Variants in C9orf72 observed in about 807,000 individuals in gnomAD.
C9orf72 encodes guanine nucleotide exchange factor C9orf72.
Under a neutral mutation model 51.6 loss-of-function variants are expected in C9orf72, and 44 were observed. The observed-to-expected ratio is 0.85, with a 90% CI of 0.67 to 1.10. The LOEUF (loss-of-function observed/expected upper bound fraction) is 1.10, where lower values mean the gene tolerates loss of function less well. Ranked by LOEUF, C9orf72 falls within the 50% of genes least tolerant of loss-of-function variation. C9orf72 has a pLI of 0.00. For synonymous variants in C9orf72, 213 were observed against 194.2 expected, an observed-to-expected ratio of 1.10 and a Z score of -0.81; for missense variants, 607 against 570.6, an observed-to-expected ratio of 1.06 and a Z score of -0.65.
At chr9:27,552,407 G>A (rs1473112115) in intron 8 of C9orf72, among the ~76,000 whole-genome samples, 1 of 152,026 alleles carries the variant, frequency 6.6e-6, no homozygotes, top group Non-Finnish European at 1.5e-5. Context: ...GAGTGCGGTG[G>A]CATGATCTCA....
intron 6 of C9orf72, chr9:27,559,716 T>G (rs1033343628): frequency 6.6e-6 from 1 of 152,144 alleles, no homozygotes; most frequent in African/African-American, 2.4e-5. Context: ...TGTTCATTAA[T>G]CCTTAATTAA....
rs951673933 is a variant in C9orf72, at chr9:27,550,311, AG to A, written c.1149+338del. Among the ~76,000 whole-genome samples the A allele has an allele frequency of 1.6e-4, 24 of 151,818 alleles. 1 individual carries two copies. Among genetic ancestry groups the A allele is most frequent in the Non-Finnish European group, 2.8e-4 (19 of 67,930 alleles). ...GATTTCACTTTGATACATGTAAACC[AG>A]GAATTCTATGTTTCAAAAAACAGTA... On this transcript the variant is annotated intron_variant, in intron 9 of 10. Transcript: ENST00000380003.
At chr9:27,550,797 C>G (rs1820890985) in intron 8 of C9orf72, 90 bp from the exon 9 acceptor site, 1 of 587,478 alleles carries the variant, frequency 1.7e-6, no homozygotes, top group Non-Finnish European at 3.0e-6. Context: ...TCACTTGAGC[C>G]AACATTTTAA....
rs117250532 is a variant in C9orf72, at chr9:27,552,569, T to C, written c.1092-1862A>G. 9.9e-5 allele frequency among the ~76,000 whole-genome samples: 14 copies of C among 141,620 alleles called. No individual in the cohort carries two copies. The East Asian group carries it at 2.8e-3, about 29-fold the overall frequency. 92.9% of individuals were successfully genotyped at this position (141,620 alleles called of 152,430 possible). A position where few individuals can be genotyped will look rare whatever the true frequency, so the allele number is the denominator to read the frequency against. Reference sequence around the variant, plus strand: ...TGGGGTTTCACCATGCTGCCTAGGCTCGTCTTGAACTCCTGGGCTTAAGAG... The same window carrying C: ...TGGGGTTTCACCATGCTGCCTAGGCCCGTCTTGAACTCCTGGGCTTAAGAG... On this transcript the variant is annotated intron_variant, in intron 8 of 10. Coordinates refer to ENST00000380003, the MANE Select transcript of C9orf72 (RefSeq NM_018325.5).
rs757058684 is a variant in C9orf72 at position 27,562,368 on chromosome 9, C to G, written c.600+13G>C. On this transcript the variant is annotated intron_variant, in intron 4 of 10. Transcript: ENST00000380003. ...AACTCATAAAGTGTATAATTGCTCT[C>G]ATTTAAACTTACATCTATTTCTTCA... The G allele has an allele frequency of 1.4e-6, 2 of 1,437,790 alleles. No individual in the cohort carries two copies. The highest frequency in any genetic ancestry group is 4.7e-5 in the East Asian group (2 of 42,476). The allele number at this position is 1,437,790 out of a possible 1,614,324, so 89.1% of individuals were successfully genotyped here.
chr9:27,558,259 T>C (rs1819255445), intron 7 of C9orf72, among the ~76,000 whole-genome samples: 1 of 150,796 alleles, frequency 6.6e-6, no homozygotes, highest in South Asian at 2.1e-4. Context: ...GCTAGACATG[T>C]AGGAACAGGG....
intron 6 of C9orf72, 29 bp from the exon 7 acceptor site, chr9:27,558,636 A>G (rs775518223): frequency 1.6e-6 from 2 of 1,228,690 alleles, no homozygotes; most frequent in Non-Finnish European, 2.3e-6. Flanking sequence ...TAGCATTAAA[A>G]CATGAAGTAA....
chr9:27,561,716 T>C, intron 4 of C9orf72, 67 bp from the exon 5 acceptor site: 3 of 1,015,698 alleles, frequency 3.0e-6, no homozygotes, highest in South Asian at 1.4e-5. Context: ...ACACTTTTAA[T>C]ATACAAGTTT....
chr9:27,563,223 A>T (rs1819392580), intron 3 of C9orf72, among the ~76,000 whole-genome samples: 1 of 151,936 alleles, frequency 6.6e-6, no homozygotes, highest in South Asian at 2.1e-4. Flanking sequence ...AATCAATAAA[A>T]CAGAAAAATT....
intron 1 of C9orf72, among the ~76,000 whole-genome samples, chr9:27,567,692 A>C (rs1300051651): frequency 6.6e-6 from 1 of 152,180 alleles, no homozygotes; most frequent in Non-Finnish European, 1.5e-5. Context: ...AAATAAGTGT[A>C]ATCATGTTAA....
At chr9:27,550,938 A>T (rs2131529301) in intron 8 of C9orf72, among the ~76,000 whole-genome samples, 1 of 152,330 alleles carries the variant, frequency 6.6e-6, no homozygotes, top group South Asian at 2.1e-4. Context: ...TGTCAGGCTA[A>T]TATGTAATTT....
chr9:27,567,124 T>G lies in C9orf72; in HGVS notation c.-4A>C. 1.2e-6 allele frequency: 2 copies of G among 1,610,388 alleles called. No homozygotes were observed. The highest frequency in any genetic ancestry group is 2.2e-5 in the South Asian group (2 of 91,056). On this transcript the variant is annotated 5_prime_UTR_variant, in exon 2 of 11. Transcript: ENST00000380003. Reference sequence around the variant, plus strand: ...GCGGTGGGCAAAGAGTCGACATCACTGCATTCCAACTGTCACATTATCCAA... The same window carrying G: ...GCGGTGGGCAAAGAGTCGACATCACGGCATTCCAACTGTCACATTATCCAA...
chr9:27,557,456 T>C (rs10812613), intron 7 of C9orf72, among the ~76,000 whole-genome samples: 29,549 of 152,100 alleles, frequency 0.19, 3,102 homozygotes, highest in Non-Finnish European at 0.23. Context: ...TAATCATCTT[T>C]GTATAATGTC....
At chr9:27,562,197 CCT>C (rs1180970647) in intron 4 of C9orf72, among the ~76,000 whole-genome samples, 182 bp downstream of exon 4, 1 of 152,016 alleles carries the variant, frequency 6.6e-6, no homozygotes, top group African/African-American at 2.4e-5. Context: ...ATCAAAAATG[CCT>C]CTGTTTTGCC....
At position 27,558,473 on chromosome 9, in the gene C9orf72, G is replaced by T; in HGVS notation, c.855+18C>A. 7.4e-7 allele frequency: 1 copy of T among 1,347,482 alleles called. No individual in the cohort carries two copies. Among genetic ancestry groups the T allele is most frequent in the Non-Finnish European group, 1.0e-6 (1 of 957,126 alleles). The allele number at this position is 1,347,482 out of a possible 1,614,324, so 83.5% of individuals were successfully genotyped here. On this transcript the variant is annotated intron_variant, in intron 7 of 10. Coordinates refer to ENST00000380003, the MANE Select transcript of C9orf72 (RefSeq NM_018325.5). ...ATTTTAGAAAAGTGGTTTCACTTGT[G>T]ATAACTAGAAACTATACCTTTAGCA...
Position 27,548,446 on chromosome 9 carries a change from A to T in C9orf72, c.1260-24T>A, listed in dbSNP as rs1212653011. ...GCCTAAAAATAATGGAAAAAAAAAA[A>T]AAAAAAAAAAAAAAAGAAGCGCAAA... On this transcript the variant is annotated intron_variant, in intron 10 of 10. Coordinates refer to ENST00000380003, the MANE Select transcript of C9orf72 (RefSeq NM_018325.5). 2.1e-6 allele frequency: 3 copies of T among 1,401,296 alleles called. No individual in the cohort carries two copies. The East Asian group carries it at 7.6e-5, about 36-fold the overall frequency. The allele number at this position is 1,401,296 out of a possible 1,614,324, so 86.8% of individuals were successfully genotyped here.
intron 5 of C9orf72, chr9:27,561,205 G>A: frequency 2.0e-6 from 2 of 994,914 alleles, no homozygotes; most frequent in Non-Finnish European, 2.4e-6. Flanking sequence ...ACTGCTGGAT[G>A]GAAAAAGATC....
Position 27,556,702 on chromosome 9 carries a change from T to C in C9orf72, c.950A>G (p.Gln317Arg). The change falls in exon 8 of 11, where the codon CAG becomes CGG. Residue 317 changes from glutamine to arginine, a missense_variant. By Grantham distance (43) the Gln-to-Arg change is conservative. Coordinates refer to ENST00000380003, the MANE Select transcript of C9orf72 (RefSeq NM_018325.5). ...HIDVDVNTVK[Q>R]MPPCHEHIYN... is the part of the protein sequence containing the mutation. ...AATATGTTCATGACAGGGTGGCATC[T>C]GCTTCACAGTATTGACATCCACATC... 1 of 1,613,996 alleles carries C rather than the reference T, an allele frequency of 6.2e-7. No individual in the cohort carries two copies. Among genetic ancestry groups the C allele is most frequent in the Non-Finnish European group, 8.5e-7 (1 of 1,179,890 alleles).
chr9:27,558,432 A>G (rs1819260985), intron 7 of C9orf72, 59 bp downstream of exon 7: 3 of 892,152 alleles, frequency 3.4e-6, no homozygotes, highest in Non-Finnish European at 5.5e-6. Context: ...TTTGTCTATA[A>G]AGAGTCTCAA....
Sources: allele counts gnomAD v4.1 joint callset (sites outside exome capture counted in the v4.1 genomes callset), GRCh38; gene constraint gnomAD v4.1.1; transcripts MANE v1.5; gene names NCBI Gene and HGNC (gene_info 2026-07-23, HGNC 2026-07-21).